Variants in WWTR1 observed in about 807,000 individuals in gnomAD.
The protein encoded by WWTR1 is WW domain-containing transcription regulator protein 1.
Under a neutral mutation model 40.1 loss-of-function variants are expected in WWTR1, and 13 were observed. The ratio of observed to expected loss-of-function variants is 0.32; its 90% CI spans 0.21 to 0.52. WWTR1 has a LOEUF of 0.52. Ranked by LOEUF, WWTR1 falls within the 20% of genes least tolerant of loss-of-function variation. The pLI, the probability that WWTR1 is intolerant of heterozygous loss-of-function variation, is 0.97. For synonymous variants in WWTR1, 230 were observed against 210.1 expected (o/e 1.09, Z -0.82); for missense variants, 436 against 523.1 (o/e 0.83, Z 1.63).
chr3:149,678,116 A>G (rs897492948), intron 1 of WWTR1, among the ~76,000 whole-genome samples: 5 of 152,152 alleles, frequency 3.3e-5, no homozygotes, highest in African/African-American at 9.7e-5. Context: ...ACCTAACATC[A>G]TTGGCAAATG....
chr3:149,657,513 T>A (rs1713322269), intron 1 of WWTR1: 1 of 606,932 alleles, frequency 1.6e-6, no homozygotes, highest in African/African-American at 1.9e-5. Flanking sequence ...CCTCGAGAAT[T>A]ATGCAACTTT....
chr3:149,546,785 A>C (rs141055756), intron 3 of WWTR1, among the ~76,000 whole-genome samples: 1 of 152,336 alleles, frequency 6.6e-6, no homozygotes, highest in African/African-American at 2.4e-5. Context: ...AAAAACAACA[A>C]ATACAGCTTA....
Position 149,709,125 on chromosome 3 carries a change from CCACCATGCCTGGA to C in WWTR1, n.585-5810_585-5798del, listed in dbSNP as rs549514920. Among the ~76,000 whole-genome samples the C allele has an allele frequency of 2.6e-5, 4 of 152,202 alleles. No homozygotes were observed. In the South Asian group the frequency reaches 8.3e-4, roughly 32 times the overall value. On this transcript the variant is annotated intron_variant and non_coding_transcript_variant, in intron 5 of 6. Coordinates refer to the WWTR1 transcript ENST00000474080. ...TGAGTACTGGGACTATGGGCACGTG[CCACCATGCCTGGA>C]TAATTTTTGTATTTTTTGTAGAGAG... is the stretch of plus-strand genomic sequence containing the variant.
chr3:149,696,908 C>CA (rs1309219289), intron 1 of WWTR1, among the ~76,000 whole-genome samples: 1 of 152,266 alleles, frequency 6.6e-6, no homozygotes, highest in East Asian at 1.9e-4. Flanking sequence ...GAAAGCCTCC[C>CA]AAAACATCAG....
In WWTR1 at chr3:149,676,998, C is replaced by T. The variant is rs568171964; in HGVS notation, c.-107-7107G>A. Reference sequence around the variant, plus strand: ...ATGGGGCGATCTTGGCTCACTGCAACGTCTGCCTCCCAGGTTCAAGCAATT... The same window carrying T: ...ATGGGGCGATCTTGGCTCACTGCAATGTCTGCCTCCCAGGTTCAAGCAATT... On this transcript the variant is annotated intron_variant, in intron 1 of 7. Coordinates refer to the WWTR1 transcript ENST00000465804. Among the ~76,000 whole-genome samples the T allele has an allele frequency of 4.6e-5, 7 of 151,722 alleles. No homozygotes were observed. The East Asian group carries it at 9.7e-4, about 21-fold the overall frequency.
chr3:149,537,529 G>A (rs1238595260), intron 4 of WWTR1, among the ~76,000 whole-genome samples: 1 of 152,090 alleles, frequency 6.6e-6, no homozygotes, highest in East Asian at 1.9e-4. Context: ...TATACATTCC[G>A]TACCATAAAC....
chr3:149,617,654 G>T lies in WWTR1; in HGVS notation c.431+39222C>A, dbSNP rs576514291. On this transcript the variant is annotated intron_variant, in intron 2 of 6. Coordinates refer to ENST00000360632, the MANE Select transcript of WWTR1 (RefSeq NM_015472.6). ...GTCTTCACTAAAAATATGAAAATTA[G>T]CTGGGCATGGTGGTACATGCCTGTA... Among the ~76,000 whole-genome samples the T allele has an allele frequency of 4.6e-5, 7 of 152,294 alleles. No individual in the cohort carries two copies. In the South Asian group the frequency reaches 1.5e-3, roughly 32 times the overall value.
At chr3:149,708,216 C>A (rs1432453030), upstream of WWTR1, among the ~76,000 whole-genome samples, 1 of 152,168 alleles carries the variant, frequency 6.6e-6, no homozygotes, top group Non-Finnish European at 1.5e-5. Context: ...CGCAGACTCA[C>A]TATGGTCTAA....
At chr3:149,561,449 T>C (rs1171629917) in intron 3 of WWTR1, among the ~76,000 whole-genome samples, 2 of 152,198 alleles carry the variant, frequency 1.3e-5, no homozygotes, top group Non-Finnish European at 2.9e-5. Flanking sequence ...GGTAGGGGTG[T>C]CAATTGGTAT....
At chr3:149,526,543 G>T (rs771822520) in intron 5 of WWTR1, among the ~76,000 whole-genome samples, 6 of 152,178 alleles carry the variant, frequency 3.9e-5, no homozygotes, top group Non-Finnish European at 7.3e-5. Flanking sequence ...GGGACAGAAG[G>T]GAAAAGAAAC....
At chr3:149,628,925 C>T (rs1711498766) in intron 2 of WWTR1, among the ~76,000 whole-genome samples, 1 of 151,740 alleles carries the variant, frequency 6.6e-6, no homozygotes, top group Admixed American at 6.6e-5. Context: ...AGACACATAC[C>T]ACCCTGCCTG....
intron 2 of WWTR1, among the ~76,000 whole-genome samples, chr3:149,580,817 T>C (rs1738119219): frequency 6.6e-6 from 1 of 152,032 alleles, no homozygotes. Flanking sequence ...TTCACCATAT[T>C]GGCCAGGCTG....
chr3:149,715,503 G>A lies in WWTR1; in HGVS notation n.584+1939C>T, dbSNP rs143276645. Among the ~76,000 whole-genome samples the A allele has an allele frequency of 7.4e-4, 113 of 152,298 alleles. 1 individual carries two copies. The highest frequency in any genetic ancestry group is 1.9e-3 in the African/African-American group (79 of 41,568). ...TTTGTGCGCAGTGGCCGGATCCCACGCTTGCTTACACATCCCTTGCCGCTC... is the reference window on the plus strand; with the variant it reads ...TTTGTGCGCAGTGGCCGGATCCCACACTTGCTTACACATCCCTTGCCGCTC... On this transcript the variant is annotated intron_variant and non_coding_transcript_variant, in intron 5 of 6. Transcript: ENST00000474080.
chr3:149,566,444 T>A lies in WWTR1; in HGVS notation c.568+6420A>T, dbSNP rs1468444485. ...TTTGTGCGTGTATGTGCCGGTGCAC[T>A]TTAGGCTAATCTATGCTGCATAAAC... On this transcript the variant is annotated intron_variant, in intron 3 of 6. Transcript: ENST00000360632. 7.2e-5 allele frequency among the ~76,000 whole-genome samples: 11 copies of A among 152,282 alleles called. No individual in the cohort carries two copies. The South Asian group carries it at 2.3e-3, about 32-fold the overall frequency.
chr3:149,569,206 CTAACCAGCCCAAAATAAATCATT>C (rs1737508369), intron 3 of WWTR1, among the ~76,000 whole-genome samples: 1 of 152,172 alleles, frequency 6.6e-6, no homozygotes, highest in Non-Finnish European at 1.5e-5. Flanking sequence ...ACTTTGCAAT[CTAACCAGCCCAAAATAAATCATT>C]TTTATTCTAG....
upstream of WWTR1, among the ~76,000 whole-genome samples, chr3:149,707,293 A>T (rs1393181612): frequency 6.6e-6 from 1 of 152,090 alleles, no homozygotes; most frequent in Non-Finnish European, 1.5e-5. Flanking sequence ...AGCAAACTTC[A>T]CCACCGCTCC....
intron 1 of WWTR1, among the ~76,000 whole-genome samples, chr3:149,676,226 G>C (rs1714252630): frequency 6.7e-6 from 1 of 149,950 alleles, no homozygotes; most frequent in Non-Finnish European, 1.5e-5. Flanking sequence ...TTACATTTCA[G>C]AACAGGAATT....
intron 3 of WWTR1, among the ~76,000 whole-genome samples, chr3:149,558,401 G>A (rs1461276592): frequency 2.6e-5 from 4 of 152,188 alleles, no homozygotes; most frequent in Admixed American, 6.5e-5. Flanking sequence ...TAGTCATCCC[G>A]AGGGGAAGAG....
chr3:149,540,961 G>T (rs1261737921), intron 4 of WWTR1: 1 of 449,814 alleles, frequency 2.2e-6, no homozygotes, highest in Non-Finnish European at 4.5e-6. Context: ...ATTCATGGAA[G>T]TCAATGTGTA....
Sources: allele counts gnomAD v4.1 joint callset (sites outside exome capture counted in the v4.1 genomes callset), GRCh38; gene constraint gnomAD v4.1.1; transcripts MANE v1.5; gene names NCBI Gene and HGNC (gene_info 2026-07-23, HGNC 2026-07-21).